The following SOD2 variants were observed in gnomAD, a reference collection of about 807,000 sequenced individuals.
SOD2 encodes the protein superoxide dismutase [Mn], mitochondrial.
SOD2 carries 11 observed loss-of-function variants against 27.0 expected under a neutral mutation model. That is an observed-to-expected ratio of 0.41 (90% confidence interval 0.26 to 0.67). SOD2 has a LOEUF of 0.67. Ranked by LOEUF, SOD2 falls within the 30% of genes least tolerant of loss-of-function variation. SOD2 has a pLI of 0.34. For missense variants in SOD2, 250 were observed against 274.5 expected, an observed-to-expected ratio of 0.91 and a Z score of 0.63; for synonymous variants, 105 against 103.0, an observed-to-expected ratio of 1.02 and a Z score of -0.12.
At position 159,678,932 on chromosome 6, in the gene SOD2, T is replaced by C. The variant is rs1489077550; in HGVS notation, c.*3561A>G. 1 of 152,220 alleles carries C rather than the reference T, an allele frequency of 6.6e-6. No individual in the cohort carries two copies. Among genetic ancestry groups the C allele is most frequent in the African/African-American group, 2.4e-5 (1 of 41,456 alleles). 9.4% of individuals were successfully genotyped at this position (152,220 alleles called of 1,614,324 possible). On this transcript the variant is annotated 3_prime_UTR_variant, in exon 5 of 5. Transcript: ENST00000538183. ...CTTTGGTTTTGTCGTATATCCCTAA[T>C]ACTATGCTTTTAGGTTATCAGATGA... is the stretch of plus-strand genomic sequence containing the variant.
At chr6:159,727,096 T>C in intron 1 of SOD2, 5 of 1,194,664 alleles carry the variant, frequency 4.2e-6, no homozygotes, top group Non-Finnish European at 5.3e-6. Flanking sequence ...CCGACCTCGC[T>C]GGCCCGCCCC....
intron 1 of SOD2, chr6:159,753,719 C>G (rs1779901792): frequency 1.5e-6 from 2 of 1,365,524 alleles, no homozygotes; most frequent in Non-Finnish European, 2.0e-6. Context: ...TTGTTAACCT[C>G]TGCCCTATGA....
upstream of SOD2, among the ~76,000 whole-genome samples, chr6:159,695,308 T>TA (rs376656655): frequency 4.4e-4 from 67 of 152,262 alleles, no homozygotes; most frequent in African/African-American, 1.2e-3. Flanking sequence ...TTAAAGCGAC[T>TA]CCTAGGACAT....
chr6:159,721,067 AT>A (rs1391204884), intron 1 of SOD2, among the ~76,000 whole-genome samples: 1 of 142,612 alleles, frequency 7.0e-6, no homozygotes, highest in Non-Finnish European at 1.5e-5. Flanking sequence ...ATTTATTTAT[AT>A]TTTTTAATTT....
In SOD2 at chr6:159,674,184, C is replaced by G. The variant is rs1779728685; in HGVS notation, c.*8309G>C. The G allele has an allele frequency of 6.6e-6, 1 of 152,186 alleles. No homozygotes were observed. The highest frequency in any genetic ancestry group is 2.4e-5 in the African/African-American group (1 of 41,432). The allele number at this position is 152,186 out of a possible 1,614,324, so 9.4% of individuals were successfully genotyped here. ...CCAGAGGTACAAGGAAGAGCTGGTA[C>G]CATTCCTTCTGAAACTATTCCAATC... is the stretch of plus-strand genomic sequence containing the variant. On this transcript the variant is annotated 3_prime_UTR_variant, in exon 5 of 5. Transcript: ENST00000538183.
upstream of SOD2, chr6:159,727,736 G>A (rs1427851670): frequency 1.1e-5 from 11 of 985,534 alleles, no homozygotes; most frequent in Non-Finnish European, 1.3e-5. Context: ...GAGCGGACGC[G>A]GGGGACCTCC....
At chr6:159,756,995 C>T (rs768466874) in intron 1 of SOD2, among the ~76,000 whole-genome samples, 57 of 152,194 alleles carry the variant, frequency 3.7e-4, no homozygotes, top group African/African-American at 1.2e-3. Context: ...TGTTTTAAAA[C>T]GCTGGCCAGC....
At chr6:159,755,760 C>CTTTTTTTTTTTTTTTTTTTTTTTTTTT (rs1779984995) in intron 1 of SOD2, 5 of 283,678 alleles carry the variant, frequency 1.8e-5, no homozygotes, top group African/African-American at 5.0e-5. Context: ...TTTTTTTTTT[C>CTTTTTTTTTTTTTTTTTTTTTTTTTTT]TTTTCTTTTT....
exon 1 of SOD2, chr6:159,761,735 T>A: frequency 2.8e-6 from 1 of 361,690 alleles, no homozygotes; most frequent in South Asian, 2.1e-5. Context: ...GTCGGGGAAC[T>A]CCAACATTGG....
chr6:159,722,030 T>C (rs1328582703), intron 1 of SOD2, among the ~76,000 whole-genome samples: 1 of 151,860 alleles, frequency 6.6e-6, no homozygotes, highest in Non-Finnish European at 1.5e-5. Context: ...AAGAAGAGTT[T>C]TTCCTCATCA....
At chr6:159,698,719 A>C (rs1490915515) in intron 1 of SOD2, among the ~76,000 whole-genome samples, 1 of 151,988 alleles carries the variant, frequency 6.6e-6, no homozygotes, top group South Asian at 2.1e-4. Context: ...AAGTTTGTAC[A>C]TCACAGAGAA....
chr6:159,729,075 A>C (rs1583059563), upstream of SOD2, among the ~76,000 whole-genome samples: 1 of 152,320 alleles, frequency 6.6e-6, no homozygotes, highest in East Asian at 1.9e-4. Context: ...TAGAGATGAA[A>C]CACAATGTGT....
At chr6:159,742,897 A>C (rs1779348097) in intron 1 of SOD2, among the ~76,000 whole-genome samples, 1 of 152,088 alleles carries the variant, frequency 6.6e-6, no homozygotes, top group South Asian at 2.1e-4. Context: ...CTCTACAAAA[A>C]AAAAAAGAGT....
chr6:159,757,759 C>A (rs772192251), intron 1 of SOD2, among the ~76,000 whole-genome samples: 1 of 152,120 alleles, frequency 6.6e-6, no homozygotes, highest in Non-Finnish European at 1.5e-5. Flanking sequence ...AAATCCTATA[C>A]GATTTTTAAT....
intron 1 of SOD2, among the ~76,000 whole-genome samples, chr6:159,754,686 TTTTACTGTATTGTTTGGGGG>T (rs1255007024): frequency 3.3e-5 from 5 of 152,302 alleles, no homozygotes; most frequent in Non-Finnish European, 7.4e-5. Flanking sequence ...AAAATAGTTA[TTTTACTGTATTGTTTGGGGG>T]ATAATGACAA....
chr6:159,761,617 C>G (rs1336100856), exon 1 of SOD2: 1 of 456,064 alleles, frequency 2.2e-6, no homozygotes, highest in Non-Finnish European at 4.4e-6. Flanking sequence ...GATTCTCGCC[C>G]GTGGGATTCC....
chr6:159,752,041 AAC>A (rs1302949393), intron 1 of SOD2, among the ~76,000 whole-genome samples: 1 of 151,606 alleles, frequency 6.6e-6, no homozygotes, highest in East Asian at 1.9e-4. Flanking sequence ...CCAGCCTGGC[AAC>A]ACAGTGAGAC....
chr6:159,758,825 A>G (rs1053254984), intron 1 of SOD2, among the ~76,000 whole-genome samples: 1 of 152,160 alleles, frequency 6.6e-6, no homozygotes, highest in Non-Finnish European at 1.5e-5. Context: ...GCCTGTAGCA[A>G]AGACCTGGCT....
chr6:159,727,374 T>TGGCAGGAGGCAGGAGGCGGGA (rs776889635), upstream of SOD2: 2 of 1,032,504 alleles, frequency 1.9e-6, no homozygotes, highest in Non-Finnish European at 2.5e-6. Flanking sequence ...GCGGGGAGGC[T>TGGCAGGAGGCAGGAGGCGGGA]GGCGGGAGGC....
Sources: gnomAD v4.1 joint callset for allele counts (sites outside exome capture counted in the v4.1 genomes callset) on GRCh38, gnomAD v4.1.1 for gene constraint, MANE v1.5 for transcripts, NCBI Gene and HGNC (gene_info 2026-07-23, HGNC 2026-07-21) for gene names.